The following PLEKHG2 variants were observed in gnomAD, a reference collection of about 807,000 sequenced individuals.
PLEKHG2 encodes pleckstrin homology and RhoGEF domain containing G2.
Under a neutral mutation model 104.4 loss-of-function variants are expected in PLEKHG2, and 71 were observed. That is an observed-to-expected ratio of 0.68 (90% CI 0.56 to 0.83). The LOEUF is 0.83. Ranked by LOEUF, PLEKHG2 falls within the 40% of genes least tolerant of loss-of-function variation. The pLI is 0.00. For synonymous variants in PLEKHG2, 728 were observed against 737.0 expected, an observed-to-expected ratio of 0.99 and a Z score of 0.20; for missense variants, 1,730 against 1,809.4, an observed-to-expected ratio of 0.96 and a Z score of 0.80.
At chr19:39,417,277 T>C (rs1435352478) in intron 7 of PLEKHG2, among the ~76,000 whole-genome samples, 1 of 152,086 alleles carries the variant, frequency 6.6e-6, no homozygotes, top group Non-Finnish European at 1.5e-5. Context: ...CTCAGCCTCC[T>C]GAGTAGCTAG....
chr19:39,422,153 T>G lies in PLEKHG2; in HGVS notation c.1542T>G (p.Ser514=), dbSNP rs1568396760. The G allele has an allele frequency of 6.2e-7, 1 of 1,612,142 alleles. No homozygotes were observed. The highest frequency in any genetic ancestry group is 8.5e-7 in the Non-Finnish European group (1 of 1,179,252). ...AAGGGGAACTCTACCCTCCAGAATC[T>G]CAGCCACCAGTTTCAGGCTCTGCAC... ...GSEGELYPPE[S]QPPVSGSAPP... The change falls in exon 17 of 19, where the codon TCT becomes TCG. Residue 514 remains serine, a synonymous_variant. Coordinates refer to ENST00000425673, the MANE Select transcript of PLEKHG2 (RefSeq NM_022835.3).
intron 16 of PLEKHG2, 144 bp downstream of exon 16, chr19:39,421,443 T>C: frequency 9.9e-7 from 1 of 1,010,242 alleles, no homozygotes; most frequent in South Asian, 1.4e-5. Context: ...CTCAGTATTT[T>C]GGGAGGTCAA....
Position 39,425,036 on chromosome 19 carries a change from C to G in PLEKHG2, c.3903C>G (p.Pro1301=). The G allele has an allele frequency of 6.3e-7, 1 of 1,598,478 alleles. No homozygotes were observed. Among genetic ancestry groups the G allele is most frequent in the Non-Finnish European group, 8.5e-7 (1 of 1,172,402 alleles). Residue 1301 remains proline (P), a synonymous_variant, in exon 19 of 19, where the codon CCC becomes CCG. Coordinates refer to ENST00000425673, the MANE Select transcript of PLEKHG2 (RefSeq NM_022835.3). ...GGCAGGGGCCTGGGGGAGGGGCCCCCGCAGCCTCCCGGGGCTCCTGGTCCT... is the reference window on the plus strand; with the variant it reads ...GGCAGGGGCCTGGGGGAGGGGCCCCGGCAGCCTCCCGGGGCTCCTGGTCCT... ...ARRQGPGGGA[P]AASRGSWSSA...
chr19:39,423,415 A>G lies in PLEKHG2; in HGVS notation c.2361A>G (p.Pro787=), dbSNP rs565832475. The G allele has an allele frequency of 2.5e-6, 4 of 1,610,848 alleles. No individual in the cohort carries two copies. The African/African-American group carries it at 4.0e-5, about 16-fold the overall frequency. ...GQLARPGFPE[P]LLILEDSDLG... is the part of the protein sequence containing the mutation. ...TGGCCCGGCCAGGCTTCCCAGAGCCACTGCTGATCCTGGAGGATTCGGATC... is the reference window on the plus strand; with the variant it reads ...TGGCCCGGCCAGGCTTCCCAGAGCCGCTGCTGATCCTGGAGGATTCGGATC... The change falls in exon 18 of 19, where the codon CCA becomes CCG. Residue 787 remains proline, a synonymous_variant. Coordinates refer to ENST00000425673, the MANE Select transcript of PLEKHG2 (RefSeq NM_022835.3).
In PLEKHG2 at chr19:39,425,163, G is replaced by C; in HGVS notation, c.4030G>C (p.Gly1344Arg). ...SYATTVNIHV[G>R]GGGRLRPAKA... ...TGCCACGACGGTTAACATCCACGTGGGCGGGGGTGGGCGGCTGCGGCCAGC... is the reference window on the plus strand; with the variant it reads ...TGCCACGACGGTTAACATCCACGTGCGCGGGGGTGGGCGGCTGCGGCCAGC... Residue 1344 changes from glycine to arginine, a missense_variant, in exon 19 of 19, where the codon GGC becomes CGC. Physicochemically the swap from Gly to Arg is moderately radical, Grantham distance 125. Transcript: ENST00000425673. The C allele has an allele frequency of 5.6e-6, 9 of 1,599,170 alleles. No individual in the cohort carries two copies. The highest frequency in any genetic ancestry group is 7.7e-6 in the Non-Finnish European group (9 of 1,174,336).
rs1183922755 is a variant in PLEKHG2, at chr19:39,423,576, A to G, written c.2522A>G (p.Asn841Ser). 22 of 1,536,460 alleles carry G rather than the reference A, an allele frequency of 1.4e-5. No individual in the cohort carries two copies. The East Asian group carries it at 4.6e-4, about 32-fold the overall frequency. ...CGGGCGGAGACTCGGGCATCAGCCA[A>G]TGCCCCGCGCCGCCGGCCTCGGGTT... is the stretch of plus-strand genomic sequence containing the variant. Reference protein sequence around the residue: ...MQRAETRASANAPRRRPRVLA... With the variant: ...MQRAETRASASAPRRRPRVLA... Residue 841 changes from asparagine (N) to serine (S), a missense_variant, in exon 18 of 19, where the codon AAT becomes AGT. Physicochemically the swap from Asn to Ser is conservative, Grantham distance 46. Transcript: ENST00000425673.
At position 39,424,806 on chromosome 19, in the gene PLEKHG2, G is replaced by A. The variant is rs1175840126; in HGVS notation, c.3673G>A (p.Gly1225Ser). 2 of 1,613,990 alleles carry A rather than the reference G, an allele frequency of 1.2e-6. No individual in the cohort carries two copies. The highest frequency in any genetic ancestry group is 1.3e-5 in the African/African-American group (1 of 74,894). Residue 1225 changes from glycine (G) to serine (S), a missense_variant, in exon 19 of 19, where the codon GGC becomes AGC. Transcript: ENST00000425673. ...GAGAGGAGGCTCTCTAGACATTCAG[G>A]GCCTCTCACCCACCCCAGTTCAGAC... ...PERGGSLDIQ[G>S]LSPTPVQTTM...
chr19:39,422,661 T>C, intron 17 of PLEKHG2, 71 bp from the exon 18 acceptor site: 1 of 1,483,636 alleles, frequency 6.7e-7, no homozygotes, highest in East Asian at 2.4e-5. Flanking sequence ...AGTGCTGGGA[T>C]TACAGGCGTG....
In PLEKHG2 at chr19:39,420,655, G is replaced by A; in HGVS notation, c.1293G>A (p.Leu431=). ...AGCAAGTTCTCCTTGAAAACAGCCT[G>A]CATTGTGAGTTGGGGCCTTGGGCTG... ...KAKQVLLENS[L]HCAPKSKPVL... Residue 431 remains leucine (L), a synonymous_variant, in exon 12 of 19, where the codon CTG becomes CTA. Coordinates refer to ENST00000425673, the MANE Select transcript of PLEKHG2 (RefSeq NM_022835.3). 1 of 1,614,132 alleles carries A rather than the reference G, an allele frequency of 6.2e-7. No individual in the cohort carries two copies. Among genetic ancestry groups the A allele is most frequent in the Admixed American group, 1.7e-5 (1 of 60,018 alleles).
chr19:39,414,879 T>G (rs2078575459), intron 2 of PLEKHG2, 113 bp from the exon 3 acceptor site: 1 of 1,247,168 alleles, frequency 8.0e-7, no homozygotes. Flanking sequence ...GGAAGGAGCC[T>G]GTGGGAAAGC....
chr19:39,416,210 C>A lies in PLEKHG2; in HGVS notation c.480-138C>A. The A allele has an allele frequency of 1.2e-6, 1 of 816,846 alleles. No individual in the cohort carries two copies. The highest frequency in any genetic ancestry group is 2.0e-6 in the Non-Finnish European group (1 of 491,178). The allele number at this position is 816,846 out of a possible 1,614,324, so 50.6% of individuals were successfully genotyped here. A position where few individuals can be genotyped will look rare whatever the true frequency, so the allele number is the denominator to read the frequency against. On this transcript the variant is annotated intron_variant, in intron 4 of 18. Transcript: ENST00000425673. This position sits in a 1 kb window ranked among gnomAD's most constrained non-coding sequence, Gnocchi z 4.5. The stretch of plus-strand genomic sequence containing the variant: ...GCCCTCAGAGGACCCTTCCTCCGGA[C>A]ATGACATCCCCTTAGGAGATGCTGG...
In PLEKHG2 at chr19:39,424,609, C is replaced by T. The variant is rs1268091554; in HGVS notation, c.3476C>T (p.Ala1159Val). The T allele has an allele frequency of 1.2e-6, 2 of 1,614,156 alleles. No homozygotes were observed. The highest frequency in any genetic ancestry group is 1.7e-6 in the Non-Finnish European group (2 of 1,180,024). ...GTCCTCACAGACATCTGGGTCCAAG[C>T]CCTCCCAACTTCACCCAAGCAGGGA... ...PQVLTDIWVQ[A>V]LPTSPKQGSL... The change falls in exon 19 of 19, where the codon GCC (alanine) becomes GTC (valine). Residue 1159 changes from alanine to valine, a missense_variant. Coordinates refer to ENST00000425673, the MANE Select transcript of PLEKHG2 (RefSeq NM_022835.3).
At position 39,418,115 on chromosome 19, in the gene PLEKHG2, G is replaced by A; in HGVS notation, c.1083+10G>A. On this transcript the variant is annotated intron_variant, in intron 9 of 18. Transcript: ENST00000425673. ...CAAAGGCCACATCTTCGTGAGTTTG[G>A]GGATGGGGTGGGGCTAGAATACTAC... 2 of 1,495,836 alleles carry A rather than the reference G, an allele frequency of 1.3e-6. No individual in the cohort carries two copies. The highest frequency in any genetic ancestry group is 1.4e-5 in the South Asian group (1 of 72,320). 92.7% of individuals were successfully genotyped at this position (1,495,836 alleles called of 1,614,324 possible).
chr19:39,424,280 C>T lies in PLEKHG2; in HGVS notation c.3147C>T (p.Ser1049=). ...PKQEGHLDSE[S]PTNIPLTKQG... is the part of the protein sequence containing the mutation. The stretch of plus-strand genomic sequence containing the variant: ...AAGAAGGTCACCTAGACAGCGAGAG[C>T]CCAACCAATATCCCACTGACAAAGC... The change falls in exon 19 of 19, where the codon AGC becomes AGT. Residue 1049 remains serine, a synonymous_variant. Transcript: ENST00000425673. 1 of 1,614,108 alleles carries T rather than the reference C, an allele frequency of 6.2e-7. No homozygotes were observed. The highest frequency in any genetic ancestry group is 1.7e-5 in the Admixed American group (1 of 60,002).
Position 39,426,582 on chromosome 19 carries a change from T to C in PLEKHG2, c.*1288T>C, listed in dbSNP as rs1006434100. On this transcript the variant is annotated 3_prime_UTR_variant, in exon 19 of 19. Coordinates refer to ENST00000425673, the MANE Select transcript of PLEKHG2 (RefSeq NM_022835.3). ...CCTAGGATTCTCTGAAGCACCCTGGTGTCCTGGCTGTGAATTCAAGTCCCA... is the reference window on the plus strand; with the variant it reads ...CCTAGGATTCTCTGAAGCACCCTGGCGTCCTGGCTGTGAATTCAAGTCCCA... 2.0e-5 allele frequency: 3 copies of C among 152,266 alleles called. No homozygotes were observed. The highest frequency in any genetic ancestry group is 2.9e-5 in the Non-Finnish European group (2 of 68,052). 9.4% of individuals were successfully genotyped at this position (152,266 alleles called of 1,614,324 possible).
In PLEKHG2 at chr19:39,424,522, C is replaced by G; in HGVS notation, c.3389C>G (p.Ser1130Cys). 6.2e-7 allele frequency: 1 copy of G among 1,614,178 alleles called. No homozygotes were observed. The highest frequency in any genetic ancestry group is 8.5e-7 in the Non-Finnish European group (1 of 1,180,032). The change falls in exon 19 of 19, where the codon TCT (serine) becomes TGT (cysteine). Residue 1130 changes from serine (S) to cysteine (C), a missense_variant. Coordinates refer to ENST00000425673, the MANE Select transcript of PLEKHG2 (RefSeq NM_022835.3). Reference protein sequence around the residue: ...DHRIPANAPLSLSQELPDTQV... With the variant: ...DHRIPANAPLCLSQELPDTQV... The stretch of plus-strand genomic sequence containing the variant: ...CGGATCCCAGCCAACGCCCCACTGT[C>G]TTTGTCCCAGGAGCTCCCAGACACT...
Position 39,415,173 on chromosome 19 carries a change from A to G in PLEKHG2, c.291A>G (p.Ser97=), listed in dbSNP as rs911615040. Reference sequence around the variant, plus strand: ...TCTCTCCGGTGGGGATCCCAGGTTCAGCCAGACCCTCAAGGCTGGAGCGTG... The same window carrying G: ...TCTCTCCGGTGGGGATCCCAGGTTCGGCCAGACCCTCAAGGCTGGAGCGTG... ...LHLSPVGIPG[S]ARPSRLERVA... is the part of the protein sequence containing the mutation. Residue 97 remains serine (S), a synonymous_variant, in exon 3 of 19, where the codon TCA becomes TCG. Coordinates refer to ENST00000425673, the MANE Select transcript of PLEKHG2 (RefSeq NM_022835.3). The surrounding 1 kb of genome is among the most constrained non-coding windows in gnomAD (Gnocchi z 4.6). 6.3e-7 allele frequency: 1 copy of G among 1,596,336 alleles called. No homozygotes were observed. The highest frequency in any genetic ancestry group is 1.3e-5 in the African/African-American group (1 of 74,520).
rs1362979102 is a variant in PLEKHG2 at position 39,415,293 on chromosome 19, A to C, written c.378+33A>C. On this transcript the variant is annotated intron_variant, in intron 3 of 18. Transcript: ENST00000425673. This position sits in a 1 kb window ranked among gnomAD's most constrained non-coding sequence, Gnocchi z 4.6. ...GGGCAGACACCAGAGGGCAGTGGGT[A>C]CCCAGGCCAGCCCCTTGGCCCCCAT... The C allele has an allele frequency of 1.7e-5, 28 of 1,606,100 alleles. No individual in the cohort carries two copies. The highest frequency in any genetic ancestry group is 2.4e-5 in the Non-Finnish European group (28 of 1,176,146).
At position 39,413,931 on chromosome 19, in the gene PLEKHG2, C is replaced by T. The variant is rs1368512820; in HGVS notation, c.-22-134C>T. On this transcript the variant is annotated intron_variant, in intron 1 of 18. Transcript: ENST00000425673. The surrounding 1 kb of genome is among the most constrained non-coding windows in gnomAD (Gnocchi z 4.5). ...TCCCCTTCTTTCTGTCACTTTGTGC[C>T]TCCCCCATTAGTTACTCCCAGGGGC... 1.9e-5 allele frequency: 11 copies of T among 571,906 alleles called. No homozygotes were observed. The highest frequency in any genetic ancestry group is 3.1e-5 in the Non-Finnish European group (10 of 319,552). The allele number at this position is 571,906 out of a possible 1,614,324, so 35.4% of individuals were successfully genotyped here.
Sources: allele counts gnomAD v4.1 joint callset (sites outside exome capture counted in the v4.1 genomes callset), GRCh38; gene constraint gnomAD v4.1.1; non-coding constraint Gnocchi (gnomAD v3.1); transcripts MANE v1.5; gene names NCBI Gene and HGNC (gene_info 2026-07-23, HGNC 2026-07-21).